Variants in FRYL observed in about 807,000 individuals in gnomAD.
FRYL encodes the protein protein furry homolog-like.
FRYL carries 150 observed loss-of-function variants against 351.2 expected under a neutral mutation model. That is an observed-to-expected ratio of 0.43 (90% confidence interval 0.37 to 0.49). The LOEUF is 0.49. Among genes scored for constraint, FRYL ranks in the 20% least tolerant of loss-of-function variants. FRYL has a pLI of 0.00. For synonymous variants in FRYL, 1,153 were observed against 1,257.1 expected (o/e 0.92, Z 1.75); for missense variants, 3,036 against 3,619.3 (o/e 0.84, Z 4.13).
At chr4:48,684,278 A>T (rs1295211318) in intron 3 of FRYL, among the ~76,000 whole-genome samples, 1 of 152,190 alleles carries the variant, frequency 6.6e-6, no homozygotes, top group African/African-American at 2.4e-5. Context: ...TCACAGTTAT[A>T]ATATTCTGTG....
intron 4 of FRYL, among the ~76,000 whole-genome samples, chr4:48,630,083 C>G (rs1283059516): frequency 1.3e-5 from 2 of 152,108 alleles, no homozygotes; most frequent in Middle Eastern, 3.2e-3. Context: ...AGAATGCTTG[C>G]AGCTAAAGCC....
chr4:48,543,339 T>A (rs1322141932), intron 44 of FRYL, among the ~76,000 whole-genome samples: 1 of 152,194 alleles, frequency 6.6e-6, no homozygotes, highest in Non-Finnish European at 1.5e-5. Flanking sequence ...TTTCCCTCAA[T>A]AGAATATGAG....
At chr4:48,677,198 T>C (rs1763850244) in intron 3 of FRYL, among the ~76,000 whole-genome samples, 1 of 152,182 alleles carries the variant, frequency 6.6e-6, no homozygotes, top group African/African-American at 2.4e-5. Flanking sequence ...TAGCAAAGAA[T>C]CTTTAAAATA....
At chr4:48,505,329 C>T (rs1348058887) in intron 60 of FRYL, 1 of 590,736 alleles carries the variant, frequency 1.7e-6, no homozygotes. Context: ...TATTAAGCTT[C>T]AGTCACAAGC....
Position 48,551,573 on chromosome 4 carries a change from T to C in FRYL, c.4441A>G (p.Thr1481Ala), listed in dbSNP as rs1426709072. 1.9e-6 allele frequency: 3 copies of C among 1,604,978 alleles called. No homozygotes were observed. The highest frequency in any genetic ancestry group is 2.7e-5 in the African/African-American group (2 of 74,760). Residue 1481 changes from threonine (T) to alanine (A), a missense_variant, in exon 37 of 64, where the codon ACT (threonine) becomes GCT (alanine). By Grantham distance (58) the Thr-to-Ala change is moderately conservative (BLOSUM62 0). Transcript: ENST00000358350. Reference protein sequence around the residue: ...YKIPSVTSGTTSSSNTMVAPT... With the variant: ...YKIPSVTSGTASSSNTMVAPT... ...GCTACCATTGTATTGCTACTGGAAG[T>C]AGTTCCTGTAATCAAAGACAAAGCA...
intron 1 of FRYL, among the ~76,000 whole-genome samples, chr4:48,738,037 G>A (rs1379751202): frequency 6.6e-6 from 1 of 152,130 alleles, no homozygotes; most frequent in Non-Finnish European, 1.5e-5. Flanking sequence ...TTCCCACTTA[G>A]ATAAGGAACA....
At chr4:48,534,418 TC>T in intron 49 of FRYL, 126 bp downstream of exon 49, 1 of 724,968 alleles carries the variant, frequency 1.4e-6, no homozygotes, top group Non-Finnish European at 2.3e-6. Flanking sequence ...ACTGCAAATA[TC>T]CTGAAAACAC....
At position 48,580,879 on chromosome 4, in the gene FRYL, T is replaced by C. The variant is rs765803911; in HGVS notation, c.2245A>G (p.Thr749Ala). The C allele has an allele frequency of 1.2e-6, 2 of 1,608,868 alleles. No individual in the cohort carries two copies. The highest frequency in any genetic ancestry group is 1.7e-5 in the Admixed American group (1 of 59,506). Residue 749 changes from threonine (T) to alanine (A), a missense_variant, in exon 22 of 64, where the codon ACT becomes GCT. Physicochemically the swap from Thr to Ala is moderately conservative, Grantham distance 58 (BLOSUM62 0). Coordinates refer to ENST00000358350, the MANE Select transcript of FRYL (RefSeq NM_015030.2). ...PSILESFIHL[T>A]GADQTTLLYC... ...ACTATAGTTACCTGATCAGCCCCAG[T>C]GAGATGTATGAAGCTCTCAAGAATG...
At chr4:48,506,627 TA>T (rs1371431739) in intron 59 of FRYL, 1 of 32,514 alleles carries the variant, frequency 3.1e-5, no homozygotes, top group African/African-American at 7.9e-5. Context: ...TATATATATA[TA>T]TATATATATA....
At chr4:48,759,575 AG>A (rs1489667696) in intron 1 of FRYL, among the ~76,000 whole-genome samples, 4 of 152,184 alleles carry the variant, frequency 2.6e-5, no homozygotes, top group Non-Finnish European at 5.9e-5. Context: ...AGAAGTTTAG[AG>A]GGTGCCCCAC....
intron 1 of FRYL, among the ~76,000 whole-genome samples, chr4:48,751,061 T>C (rs1292686650): frequency 6.6e-6 from 1 of 152,044 alleles, no homozygotes; most frequent in Non-Finnish European, 1.5e-5. Flanking sequence ...TAGATAAAAT[T>C]AGCAAAAGAA....
At chr4:48,607,063 C>G (rs1411017817) in intron 9 of FRYL, among the ~76,000 whole-genome samples, 2 of 152,146 alleles carry the variant, frequency 1.3e-5, no homozygotes, top group Admixed American at 6.6e-5. Flanking sequence ...TACTAATTAT[C>G]ACTTAAAATC....
At position 48,742,973 on chromosome 4, in the gene FRYL, A is replaced by ATTTTTTTTTTTTTTTT. The variant is rs71191256; in HGVS notation, c.-383-32291_-383-32276dup. On this transcript the variant is annotated intron_variant, in intron 1 of 63. Transcript: ENST00000358350. ...AGGTGTGCGCCACCACGCCTGGATA[A>ATTTTTTTTTTTTTTTT]TTTTTTTTTTTTTTTTTTTTTTTTT... Among the ~76,000 whole-genome samples, 45 of 81,746 alleles carry ATTTTTTTTTTTTTTTT rather than the reference A, an allele frequency of 5.5e-4. 6 individuals carry two copies. The highest frequency in any genetic ancestry group is 1.8e-3 in the South Asian group (4 of 2,246). 53.6% of individuals were successfully genotyped at this position (81,746 alleles called of 152,430 possible).
intron 1 of FRYL, among the ~76,000 whole-genome samples, chr4:48,767,812 C>G (rs76137339): frequency 0.029 from 4,371 of 152,248 alleles, 209 homozygotes; most frequent in African/African-American, 0.1. Context: ...AGGCTTCTTC[C>G]TCCAACTTCC....
chr4:48,519,060 T>C (rs1355027626), intron 55 of FRYL, among the ~76,000 whole-genome samples: 1 of 152,240 alleles, frequency 6.6e-6, no homozygotes, highest in Non-Finnish European at 1.5e-5. Context: ...ACAGTGCTTG[T>C]TACTTAATAG....
In FRYL at chr4:48,714,323, G is replaced by C. The variant is rs1296889986; in HGVS notation, c.-383-3625C>G. ...ACAAAAAACCCTTAAAAAAATTAAT[G>C]AATCCAGGAGCCGGTTTTTTGAAAG... On this transcript the variant is annotated intron_variant, in intron 1 of 63. Coordinates refer to ENST00000358350, the MANE Select transcript of FRYL (RefSeq NM_015030.2). Among the ~76,000 whole-genome samples the C allele has an allele frequency of 4.2e-5, 6 of 141,896 alleles. No individual in the cohort carries two copies. In the South Asian group the frequency reaches 1.4e-3, roughly 34 times the overall value. 93.1% of individuals were successfully genotyped at this position (141,896 alleles called of 152,430 possible).
intron 24 of FRYL, 42 bp downstream of exon 24, chr4:48,575,988 A>G: frequency 7.1e-7 from 1 of 1,405,856 alleles, no homozygotes. Context: ...TTATGGGGCC[A>G]TTCAGATTTC....
chr4:48,505,428 G>T, intron 60 of FRYL, 119 bp downstream of exon 60: 7 of 663,592 alleles, frequency 1.1e-5, no homozygotes, highest in East Asian at 3.0e-5. Context: ...TAACCAAAAT[G>T]AAAAGTTTTA....
At chr4:48,766,015 C>T (rs879652634) in intron 1 of FRYL, among the ~76,000 whole-genome samples, 4 of 152,130 alleles carry the variant, frequency 2.6e-5, no homozygotes, top group South Asian at 2.1e-4. Context: ...AAAGGGAATG[C>T]TTGCATACGC....
Sources: gnomAD v4.1 joint callset for allele counts (sites outside exome capture counted in the v4.1 genomes callset) on GRCh38, gnomAD v4.1.1 for gene constraint, MANE v1.5 for transcripts, NCBI Gene and HGNC (gene_info 2026-07-23, HGNC 2026-07-21) for gene names.